DHX9: variants seen among roughly 807,000 people sequenced by gnomAD.
DHX9 encodes the protein ATP-dependent RNA helicase A.
Under a neutral mutation model 148.7 loss-of-function variants are expected in DHX9, and 27 were observed. The observed-to-expected ratio is 0.18, with a 90% CI of 0.13 to 0.25. The LOEUF (loss-of-function observed/expected upper bound fraction) is 0.25, where lower values mean the gene tolerates loss of function less well. Among genes scored for constraint, DHX9 ranks in the 10% least tolerant of loss-of-function variants. The probability of loss-of-function intolerance (pLI) is 1.00; values close to 1 mark genes in which losing one functional copy is unlikely to be tolerated. For synonymous variants in DHX9, 529 were observed against 516.6 expected, an observed-to-expected ratio of 1.02 and a Z score of -0.33; for missense variants, 796 against 1,559.6, an observed-to-expected ratio of 0.51 and a Z score of 8.25.
At chr1:182,869,862 G>A (rs1571314340) in intron 14 of DHX9, among the ~76,000 whole-genome samples, 1 of 152,198 alleles carries the variant, frequency 6.6e-6, no homozygotes. Context: ...GCCTGCCAAA[G>A]TGCTGGGATT....
intron 7 of DHX9, 84 bp from the exon 8 acceptor site, chr1:182,858,020 C>T (rs548905366): frequency 4.9e-6 from 7 of 1,416,650 alleles, no homozygotes; most frequent in East Asian, 2.3e-5. Flanking sequence ...TTCTTGTGTA[C>T]GTAAGCCCAT....
chr1:182,875,089 A>G (rs779746334), intron 16 of DHX9, 135 bp downstream of exon 16: 10 of 766,916 alleles, frequency 1.3e-5, no homozygotes, highest in South Asian at 8.8e-5. Context: ...CTGCCTTTGG[A>G]TTAATTGATG....
At position 182,872,483 on chromosome 1, in the gene DHX9, C is replaced by T; in HGVS notation, c.1704C>T (p.Tyr568=). The T allele has an allele frequency of 1.2e-6, 2 of 1,613,562 alleles. No individual in the cohort carries two copies. Among genetic ancestry groups the T allele is most frequent in the Non-Finnish European group, 1.7e-6 (2 of 1,179,780 alleles). Residue 568 remains tyrosine, a synonymous_variant, in exon 15 of 28, where the codon TAC becomes TAT. Transcript: ENST00000367549. Reference sequence around the variant, plus strand: ...TCATTGAAGTTTATGGGAGGACTTACCCAGTTCAAGGTAATATTGTGGGGG... The same window carrying T: ...TCATTGAAGTTTATGGGAGGACTTATCCAGTTCAAGGTAATATTGTGGGGG... ...CPIIEVYGRT[Y]PVQEYFLEDC... is the part of the protein sequence containing the mutation.
chr1:182,842,974 A>G (rs1207772288), intron 2 of DHX9, among the ~76,000 whole-genome samples: 1 of 152,216 alleles, frequency 6.6e-6, no homozygotes, highest in African/African-American at 2.4e-5. Context: ...TAGAAAGCAG[A>G]GCAATTCTTG....
intron 15 of DHX9, 75 bp from the exon 16 acceptor site, chr1:182,874,779 A>G: frequency 8.5e-7 from 1 of 1,179,126 alleles, no homozygotes; most frequent in Non-Finnish European, 1.3e-6. Flanking sequence ...TTGAACTATG[A>G]ATTAGCAAAT....
chr1:182,860,470 C>T (rs980100120), intron 12 of DHX9, among the ~76,000 whole-genome samples: 3 of 152,136 alleles, frequency 2.0e-5, no homozygotes, highest in African/African-American at 7.2e-5. Context: ...TAAAGTTCAT[C>T]CAAATCTTGG....
chr1:182,880,391 C>T (rs1197557827), intron 21 of DHX9, 106 bp from the exon 22 acceptor site: 3 of 652,812 alleles, frequency 4.6e-6, no homozygotes, highest in Non-Finnish European at 7.7e-6. Flanking sequence ...ATTGGCTTGA[C>T]AAAAGAGGAA....
At chr1:182,846,517 A>G (rs1417352778) in intron 3 of DHX9, among the ~76,000 whole-genome samples, 1 of 152,252 alleles carries the variant, frequency 6.6e-6, no homozygotes, top group Admixed American at 6.5e-5. Context: ...TACAGGCGTG[A>G]GCCACTGAGT....
intron 1 of DHX9, chr1:182,839,806 G>A (rs1007898177): frequency 2.0e-5 from 3 of 152,446 alleles, no homozygotes; most frequent in Middle Eastern, 3.4e-3. Context: ...GTTGCCGCCG[G>A]GGCGCCACTG....
At chr1:182,872,538 G>A (rs781020491) in intron 15 of DHX9, 45 bp downstream of exon 15, 4 of 1,563,462 alleles carry the variant, frequency 2.6e-6, no homozygotes, top group African/African-American at 2.7e-5. Flanking sequence ...GTGCAATAGG[G>A]TTTGTATTTT....
Position 182,853,438 on chromosome 1 carries a change from T to C in DHX9, c.477+20T>C, listed in dbSNP as rs1279858380. On this transcript the variant is annotated intron_variant, in intron 5 of 27. Transcript: ENST00000367549. ...CAAGCGGTAAGGCCAGCACCGTAGGTTACATCTCTGAGAATGTGATTTGGG... is the reference window on the plus strand; with the variant it reads ...CAAGCGGTAAGGCCAGCACCGTAGGCTACATCTCTGAGAATGTGATTTGGG... The C allele has an allele frequency of 1.3e-6, 2 of 1,562,092 alleles. No individual in the cohort carries two copies. The highest frequency in any genetic ancestry group is 1.8e-6 in the Non-Finnish European group (2 of 1,138,888).
intron 3 of DHX9, among the ~76,000 whole-genome samples, chr1:182,850,973 T>TA (rs1557965837): frequency 1.3e-5 from 2 of 151,958 alleles, no homozygotes; most frequent in African/African-American, 4.8e-5. Flanking sequence ...TTGGTGTAGA[T>TA]AGAGAGTGAG....
chr1:182,884,343 TTATTA>T (rs1305700387), intron 26 of DHX9, among the ~76,000 whole-genome samples: 1 of 152,168 alleles, frequency 6.6e-6, no homozygotes, highest in Non-Finnish European at 1.5e-5. Flanking sequence ...GCATATATTT[TTATTA>T]TATTTTATTT....
chr1:182,883,407 A>G, intron 25 of DHX9, 39 bp downstream of exon 25: 1 of 1,594,976 alleles, frequency 6.3e-7, no homozygotes, highest in South Asian at 1.1e-5. Flanking sequence ...GAAAGTTGAA[A>G]TTGTCTTTAC....
chr1:182,868,893 T>C (rs1327937686), intron 14 of DHX9, among the ~76,000 whole-genome samples: 2 of 152,208 alleles, frequency 1.3e-5, no homozygotes, highest in Non-Finnish European at 2.9e-5. Context: ...ATGATGACTA[T>C]AAATCATGTA....
chr1:182,856,764 C>T (rs1043824602), intron 7 of DHX9, among the ~76,000 whole-genome samples, 186 bp downstream of exon 7: 45 of 152,296 alleles, frequency 3.0e-4, no homozygotes, highest in Middle Eastern at 3.4e-3. Flanking sequence ...TCCCAGTTTG[C>T]ATGTGAAAAC....
chr1:182,886,959 A>G (rs900842137), intron 27 of DHX9, 124 bp from the exon 28 acceptor site: 11 of 806,642 alleles, frequency 1.4e-5, no homozygotes, highest in African/African-American at 8.7e-5. Flanking sequence ...TTCAATTTCT[A>G]TTTGTGCATT....
chr1:182,869,697 G>A lies in DHX9; in HGVS notation c.1558-2640G>A, dbSNP rs148866143. 3.7e-3 allele frequency among the ~76,000 whole-genome samples: 564 copies of A among 152,264 alleles called. 3 individuals carry two copies. The highest frequency in any genetic ancestry group is 6.0e-3 in the Non-Finnish European group (407 of 68,014). On this transcript the variant is annotated intron_variant, in intron 14 of 27. Transcript: ENST00000367549. Reference sequence around the variant, plus strand: ...GGCATCTCAGCTCACTGCAACCTCCGCCCCTGAGTTCAGGCGATTCTCCTA... The same window carrying A: ...GGCATCTCAGCTCACTGCAACCTCCACCCCTGAGTTCAGGCGATTCTCCTA...
intron 3 of DHX9, among the ~76,000 whole-genome samples, chr1:182,851,547 T>G (rs1300174115): frequency 6.6e-6 from 1 of 152,106 alleles, no homozygotes; most frequent in African/African-American, 2.4e-5. Context: ...TAAAAATAAG[T>G]CAAATTTTTA....
Sources: allele counts gnomAD v4.1 joint callset (sites outside exome capture counted in the v4.1 genomes callset), GRCh38; gene constraint gnomAD v4.1.1; transcripts MANE v1.5; gene names NCBI Gene and HGNC (gene_info 2026-07-23, HGNC 2026-07-21).